ABCC8: variants seen among roughly 807,000 people sequenced by gnomAD.
ABCC8 encodes ATP binding cassette subfamily C member 8.
In ABCC8, 137 loss-of-function variants were observed where a neutral mutation model predicts 188.0. That is an observed-to-expected ratio of 0.73 (90% confidence interval 0.63 to 0.84). The LOEUF (loss-of-function observed/expected upper bound fraction) is 0.84, where lower values mean the gene tolerates loss of function less well. Ranked by LOEUF, ABCC8 falls within the 40% of genes least tolerant of loss-of-function variation. The pLI, the probability that ABCC8 is intolerant of heterozygous loss-of-function variation, is 0.00. For synonymous variants in ABCC8, 797 were observed against 846.5 expected (o/e 0.94, Z 1.01); for missense variants, 1,750 against 2,072.7 (o/e 0.84, Z 3.02).
Position 17,404,557 on chromosome 11 carries a change from G to A in ABCC8, c.3512C>T (p.Ala1171Val). ...PVFLVALLPL[A>V]IVCYFIQKYF... ...CTTCTGGATGAAGTAGCACACGATGGCCAGGGGCAAGAGGGCCACGAGGAA... is the reference window on the plus strand; with the variant it reads ...CTTCTGGATGAAGTAGCACACGATGACCAGGGGCAAGAGGGCCACGAGGAA... The change falls in exon 28 of 39, where the codon GCC (alanine) becomes GTC (valine). Residue 1171 changes from alanine (A) to valine (V), a missense_variant. Ala to Val is a moderately conservative substitution (Grantham distance 64, BLOSUM62 0). Transcript: ENST00000389817. This position sits in a 1 kb window ranked among gnomAD's most constrained non-coding sequence, Gnocchi z 4.7. 1 of 1,614,110 alleles carries A rather than the reference G, an allele frequency of 6.2e-7. No homozygotes were observed. The highest frequency in any genetic ancestry group is 8.5e-7 in the Non-Finnish European group (1 of 1,180,018).
At chr11:17,400,185 T>C (rs1050138504) in intron 29 of ABCC8, among the ~76,000 whole-genome samples, 2 of 152,166 alleles carry the variant, frequency 1.3e-5, no homozygotes, top group Admixed American at 1.3e-4. Flanking sequence ...CTGAGGGGAC[T>C]GAAGGGAGGT....
chr11:17,451,431 T>C (rs979218221), intron 7 of ABCC8, among the ~76,000 whole-genome samples: 7 of 152,208 alleles, frequency 4.6e-5, no homozygotes, highest in Non-Finnish European at 8.8e-5. Flanking sequence ...CCACTGGGGA[T>C]GGGCAGGGTT....
intron 33 of ABCC8, 133 bp downstream of exon 33, chr11:17,396,783 C>A (rs1179921111): frequency 2.6e-6 from 3 of 1,166,594 alleles, no homozygotes; most frequent in South Asian, 2.8e-5. Flanking sequence ...GGGCAGGAGA[C>A]TGCGATGTCT....
At position 17,463,575 on chromosome 11, in the gene ABCC8, T is replaced by G; in HGVS notation, c.442A>C (p.Ile148Leu). Reference sequence around the variant, plus strand: ...TTGACAAACTTGATGGTCTTGGTGATGAAGGCCAGGGTCCAATACACCAGC... The same window carrying G: ...TTGACAAACTTGATGGTCTTGGTGAGGAAGGCCAGGGTCCAATACACCAGC... ...ALLVYWTLAFITKTIKFVKFL... is the reference protein window; with the variant it reads ...ALLVYWTLAFLTKTIKFVKFL... The change falls in exon 4 of 39, where the codon ATC (isoleucine) becomes CTC (leucine). Residue 148 changes from isoleucine to leucine, a missense_variant. Coordinates refer to ENST00000389817, the MANE Select transcript of ABCC8 (RefSeq NM_000352.6). The G allele has an allele frequency of 1.3e-6, 2 of 1,589,636 alleles. No homozygotes were observed. The highest frequency in any genetic ancestry group is 2.3e-5 in the East Asian group (1 of 43,952).
intron 1 of ABCC8, among the ~76,000 whole-genome samples, chr11:17,476,098 C>T (rs773768964): frequency 2.2e-4 from 34 of 152,210 alleles, no homozygotes; most frequent in Non-Finnish European, 4.3e-4. Context: ...TCGCCCAGGG[C>T]GCGGGCCTGG....
intron 3 of ABCC8, among the ~76,000 whole-genome samples, chr11:17,469,083 C>CTCCTTCCT (rs1295147487): frequency 3.5e-4 from 47 of 135,546 alleles, no homozygotes; most frequent in Non-Finnish European, 5.9e-4. Flanking sequence ...CCCTCCCTCC[C>CTCCTTCCT]TCCTTCCTTC....
In ABCC8 at chr11:17,432,318, T is replaced by G. The variant is rs572845825; in HGVS notation, c.1631-74A>C. On this transcript the variant is annotated intron_variant, in intron 10 of 38. Transcript: ENST00000389817. Reference sequence around the variant, plus strand: ...ACACATGGAGATGCCCAGGATGGCTTGGAGGCAGCGCAGTCCAGTGGGGCC... The same window carrying G: ...ACACATGGAGATGCCCAGGATGGCTGGGAGGCAGCGCAGTCCAGTGGGGCC... 2.6e-6 allele frequency: 4 copies of G among 1,551,308 alleles called. No individual in the cohort carries two copies. In the South Asian group the frequency reaches 3.6e-5, roughly 14 times the overall value.
intron 12 of ABCC8, 119 bp from the exon 13 acceptor site, chr11:17,428,789 G>A: frequency 6.5e-7 from 1 of 1,532,490 alleles, no homozygotes; most frequent in Non-Finnish European, 8.7e-7. Flanking sequence ...GTCCCACAAA[G>A]CCCACACTGA....
At position 17,458,119 on chromosome 11, in the gene ABCC8, G is replaced by A. The variant is rs531537253; in HGVS notation, c.1011+2369C>T. Among the ~76,000 whole-genome samples the A allele has an allele frequency of 2.0e-5, 3 of 152,308 alleles. No individual in the cohort carries two copies. The South Asian group carries it at 6.2e-4, about 32-fold the overall frequency. On this transcript the variant is annotated intron_variant, in intron 6 of 38. Transcript: ENST00000389817. Reference sequence around the variant, plus strand: ...ATCCCAGGCAACCACATGATGGAGAGTTCTTTGTTGCGGACACTGGAGACT... The same window carrying A: ...ATCCCAGGCAACCACATGATGGAGAATTCTTTGTTGCGGACACTGGAGACT...
At position 17,475,018 on chromosome 11, in the gene ABCC8, C is replaced by T. The variant is rs1591928946; in HGVS notation, c.158G>A (p.Ser53Asn). The change falls in exon 2 of 39, where the codon AGT becomes AAT. Residue 53 changes from serine to asparagine, a missense_variant. Coordinates refer to ENST00000389817, the MANE Select transcript of ABCC8 (RefSeq NM_000352.6). ...GTGGATGTGCACCTTGGAGCTCTGACTTCCCCATCCTGCAGGGAGAGACAG... is the reference window on the plus strand; with the variant it reads ...GTGGATGTGCACCTTGGAGCTCTGATTTCCCCATCCTGCAGGGAGAGACAG... Reference protein sequence around the residue: ...TFPILFIGWGSQSSKVHIHHS... With the variant: ...TFPILFIGWGNQSSKVHIHHS... 5.6e-6 allele frequency: 9 copies of T among 1,614,066 alleles called. No individual in the cohort carries two copies. In the South Asian group the frequency reaches 9.9e-5, roughly 18 times the overall value.
intron 8 of ABCC8, 32 bp downstream of exon 8, chr11:17,448,484 C>A: frequency 6.3e-7 from 1 of 1,595,498 alleles, no homozygotes; most frequent in South Asian, 1.1e-5. Context: ...TGTCCTGCTG[C>A]CCCCCTCCCT....
At chr11:17,476,523 G>T (rs969212789) in intron 1 of ABCC8, 106 bp downstream of exon 1, 271 of 1,394,484 alleles carry the variant, frequency 1.9e-4, no homozygotes, top group Non-Finnish European at 2.4e-4. Context: ...CGAGGCGGAC[G>T]GCGGTCGCGG....
At chr11:17,462,217 A>G (rs781227824) in intron 4 of ABCC8, among the ~76,000 whole-genome samples, 2 of 152,210 alleles carry the variant, frequency 1.3e-5, no homozygotes, top group Admixed American at 6.5e-5. Context: ...TCCACTTACT[A>G]GCAAGGTGTT....
Position 17,393,103 on chromosome 11 carries a change from G to A in ABCC8, c.4634C>T (p.Ala1545Val). 6.2e-7 allele frequency: 1 copy of A among 1,613,796 alleles called. No homozygotes were observed. Among genetic ancestry groups the A allele is most frequent in the Non-Finnish European group, 8.5e-7 (1 of 1,179,976 alleles). ...CCGCTTCAGGACGATCACCAGGTCTGCACTCAGGATGGTGTGCACTCGATG... is the reference window on the plus strand; with the variant it reads ...CCGCTTCAGGACGATCACCAGGTCTACACTCAGGATGGTGTGCACTCGATG... The part of the protein sequence containing the change: ...IAHRVHTILS[A>V]DLVIVLKRGA... Residue 1545 changes from alanine (A) to valine (V), a missense_variant, in exon 39 of 39, where the codon GCA becomes GTA. Physicochemically the swap from Ala to Val is moderately conservative, Grantham distance 64. Coordinates refer to ENST00000389817, the MANE Select transcript of ABCC8 (RefSeq NM_000352.6).
At chr11:17,393,818 G>A in intron 37 of ABCC8, 59 bp from the exon 38 acceptor site, 1 of 1,613,928 alleles carries the variant, frequency 6.2e-7, no homozygotes, top group Non-Finnish European at 8.5e-7. Context: ...GTCTGGCCTG[G>A]CTTGGGGGAT....
At chr11:17,443,125 G>A in intron 9 of ABCC8, 53 bp downstream of exon 9, 3 of 1,600,128 alleles carry the variant, frequency 1.9e-6, no homozygotes, top group Non-Finnish European at 2.6e-6. Context: ...ACCTGCTGCT[G>A]TCGAGGGAAG....
chr11:17,431,976 T>C (rs1955866724), intron 11 of ABCC8, among the ~76,000 whole-genome samples: 2 of 152,232 alleles, frequency 1.3e-5, no homozygotes, highest in African/African-American at 2.4e-5. Context: ...GTTTAATTTC[T>C]CTAAATACTA....
At chr11:17,425,065 C>A (rs1008276321) in intron 16 of ABCC8, among the ~76,000 whole-genome samples, 2 of 152,222 alleles carry the variant, frequency 1.3e-5, no homozygotes, top group African/African-American at 4.8e-5. Flanking sequence ...AGTTGGACAG[C>A]AGAAAAGGGC....
At chr11:17,454,338 C>G (rs539922190) in intron 6 of ABCC8, among the ~76,000 whole-genome samples, 9 of 152,202 alleles carry the variant, frequency 5.9e-5, no homozygotes, top group African/African-American at 9.6e-5. Context: ...CCTCACTGCT[C>G]CCTGGAGCTG....
Sources: allele counts gnomAD v4.1 joint callset (sites outside exome capture counted in the v4.1 genomes callset), GRCh38; gene constraint gnomAD v4.1.1; non-coding constraint Gnocchi (gnomAD v3.1); transcripts MANE v1.5; gene names NCBI Gene and HGNC (gene_info 2026-07-23, HGNC 2026-07-21).